USP24: variants seen among roughly 807,000 people sequenced by gnomAD.
The protein encoded by USP24 is ubiquitin specific peptidase 24.
Under a neutral mutation model 361.6 loss-of-function variants are expected in USP24, and 97 were observed. The ratio of observed to expected loss-of-function variants is 0.27; its 90% CI spans 0.23 to 0.32. The LOEUF is 0.32. Ranked by LOEUF, USP24 falls within the 10% of genes least tolerant of loss-of-function variation. The pLI is 1.00. For missense variants in USP24, 2,353 were observed against 3,165.6 expected (o/e 0.74, Z 6.16); for synonymous variants, 1,098 against 1,124.6 (o/e 0.98, Z 0.47).
At position 55,066,744 on chromosome 1, in the gene USP24, C is replaced by T. The variant is rs1159325569; in HGVS notation, c.*2301G>A. ...CGGGCAGAATCGGCCATCTTAAGATCGGCCTCACTAAGGGAGCTTCTTGAG... is the reference window on the plus strand; with the variant it reads ...CGGGCAGAATCGGCCATCTTAAGATTGGCCTCACTAAGGGAGCTTCTTGAG... On this transcript the variant is annotated 3_prime_UTR_variant, in exon 68 of 68. Transcript: ENST00000294383. 1.2e-4 allele frequency: 18 copies of T among 152,176 alleles called. No homozygotes were observed. Among genetic ancestry groups the T allele is most frequent in the African/African-American group, 2.9e-4 (12 of 41,432 alleles). 9.4% of individuals were successfully genotyped at this position (152,176 alleles called of 1,614,324 possible). A position where few individuals can be genotyped will look rare whatever the true frequency, so the allele number is the denominator to read the frequency against.
chr1:55,107,287 G>A lies in USP24; in HGVS notation c.4714C>T (p.Leu1572Phe). ...CAGAGTGAAAGAAGGGTCTTGATGAGGCGTAAGTGCCCTGCCAGTAAGATG... is the reference window on the plus strand; with the variant it reads ...CAGAGTGAAAGAAGGGTCTTGATGAAGCGTAAGTGCCCTGCCAGTAAGATG... ...DNILLAGHLR[L>F]IKTLLSLCGA... is the part of the protein sequence containing the mutation. Residue 1572 changes from leucine (L) to phenylalanine (F), a missense_variant, in exon 40 of 68, where the codon CTC becomes TTC. This residue lies in a region of USP24 where 949 missense variants were observed against 1,280.5 expected (regional missense o/e 0.74). Coordinates refer to ENST00000294383, the MANE Select transcript of USP24 (RefSeq NM_015306.3). 6.2e-7 allele frequency: 1 copy of A among 1,613,796 alleles called. No homozygotes were observed. The highest frequency in any genetic ancestry group is 1.1e-5 in the South Asian group (1 of 91,018).
At position 55,135,425 on chromosome 1, in the gene USP24, C is replaced by A. The variant is rs528898628; in HGVS notation, c.3202-1012G>T. Among the ~76,000 whole-genome samples the A allele has an allele frequency of 1.8e-4, 27 of 152,318 alleles. 1 individual carries two copies. In the South Asian group the frequency reaches 4.8e-3, roughly 27 times the overall value. ...GACACCACAAGTGGAAAATTCCATG[C>A]CTGACCTCATGTAACCGATCTCAGT... On this transcript the variant is annotated intron_variant, in intron 28 of 67. Transcript: ENST00000294383.
intron 61 of USP24, 32 bp from the exon 62 acceptor site, chr1:55,077,332 A>G: frequency 6.5e-7 from 1 of 1,528,178 alleles, no homozygotes; most frequent in Non-Finnish European, 8.9e-7. Flanking sequence ...TAAAAACTTC[A>G]GTGGAAAGCA....
chr1:55,098,447 T>C, intron 46 of USP24, 29 bp downstream of exon 46: 1 of 1,578,858 alleles, frequency 6.3e-7, no homozygotes, highest in East Asian at 2.2e-5. Flanking sequence ...GATGATCATT[T>C]TTCCTGTGTC....
At chr1:55,091,995 C>T (rs1286816691) in intron 54 of USP24, 28 bp downstream of exon 54, 1 of 1,537,236 alleles carries the variant, frequency 6.5e-7, no homozygotes, top group South Asian at 1.2e-5. Flanking sequence ...TCTGTCACAA[C>T]AGATTATCAA....
intron 36 of USP24, 90 bp from the exon 37 acceptor site, chr1:55,121,596 G>A: frequency 1.9e-6 from 2 of 1,046,884 alleles, no homozygotes; most frequent in Non-Finnish European, 1.4e-6. Context: ...CTCAACTTAA[G>A]CATAAGCTCT....
At chr1:55,172,103 G>T (rs1238818090) in intron 4 of USP24, among the ~76,000 whole-genome samples, 1 of 152,156 alleles carries the variant, frequency 6.6e-6, no homozygotes, top group Non-Finnish European at 1.5e-5. Flanking sequence ...CACTCCATAT[G>T]AAAGTATTTA....
At chr1:55,156,544 T>C (rs1647678803) in intron 12 of USP24, among the ~76,000 whole-genome samples, 2 of 151,800 alleles carry the variant, frequency 1.3e-5, no homozygotes, top group South Asian at 4.1e-4. Flanking sequence ...TTGACAGTCC[T>C]AGTAAGATGA....
Position 55,075,498 on chromosome 1 carries a change from T to G in USP24, c.7406A>C (p.Glu2469Ala). The change falls in exon 63 of 68, where the codon GAG becomes GCG. Residue 2469 changes from glutamate to alanine, a missense_variant. Coordinates refer to ENST00000294383, the MANE Select transcript of USP24 (RefSeq NM_015306.3). ...ILVIEDPIQV[E>A]RVKFVFETEN... ...TGTCTCAAACACAAATTTGACTCGC[T>G]CTACTTGTATAGGATCTTCAATAAC... The G allele has an allele frequency of 6.2e-7, 1 of 1,604,486 alleles. No homozygotes were observed. The highest frequency in any genetic ancestry group is 1.7e-5 in the Admixed American group (1 of 58,404).
chr1:55,208,998 G>A (rs1004969179), intron 1 of USP24, among the ~76,000 whole-genome samples: 2 of 151,686 alleles, frequency 1.3e-5, no homozygotes, highest in Non-Finnish European at 2.9e-5. Flanking sequence ...TGAGCTTAAC[G>A]AAAATTTTTA....
In USP24 at chr1:55,098,037, G is replaced by C. The variant is rs202160257; in HGVS notation, c.5501C>G (p.Ser1834Cys). 126 of 1,613,310 alleles carry C rather than the reference G, an allele frequency of 7.8e-5. No individual in the cohort carries two copies. Among genetic ancestry groups the C allele is most frequent in the Non-Finnish European group, 1.0e-4 (121 of 1,179,712 alleles). ...CAAAGAAATTTCCAAACTCTGACAA[G>C]AAGTCACTCCTAGATTGAGAGCCAT... The part of the protein sequence containing the change: ...AFMALNLGVT[S>C]CQSLEISLDQ... The change falls in exon 47 of 68, where the codon TCT becomes TGT. Residue 1834 changes from serine to cysteine, a missense_variant. Ser to Cys is a moderately radical substitution (Grantham distance 112). Around this residue, in one of 8 missense-constraint regions of USP24, gnomAD observed 105 missense variants for 200.3 expected, o/e 0.52. Transcript: ENST00000294383.
intron 58 of USP24, among the ~76,000 whole-genome samples, chr1:55,082,739 T>C (rs879794158): frequency 6.6e-5 from 10 of 152,210 alleles, no homozygotes; most frequent in Non-Finnish European, 1.3e-4. Context: ...GACCCCTGAT[T>C]ACACCACTGT....
At position 55,214,917 on chromosome 1, in the gene USP24, G is replaced by T; in HGVS notation, c.197C>A (p.Pro66His). 7.6e-7 allele frequency: 1 copy of T among 1,310,250 alleles called. No homozygotes were observed. Among genetic ancestry groups the T allele is most frequent in the Non-Finnish European group, 9.8e-7 (1 of 1,020,784 alleles). The allele number at this position is 1,310,250 out of a possible 1,614,324, so 81.2% of individuals were successfully genotyped here. A position where few individuals can be genotyped will look rare whatever the true frequency, so the allele number is the denominator to read the frequency against. ...GCCGTCGCCCCGCGGGCCCCCGCCGGGCCCGGGGCTGGGGCCACCGCCGCT... is the reference window on the plus strand; with the variant it reads ...GCCGTCGCCCCGCGGGCCCCCGCCGTGCCCGGGGCTGGGGCCACCGCCGCT... ...MDSGGGPSPG[P>H]GGGPRGDGGG... The change falls in exon 1 of 68, where the codon CCC becomes CAC. Residue 66 changes from proline (P) to histidine (H), a missense_variant. By Grantham distance (77) the Pro-to-His change is moderately conservative. Coordinates refer to ENST00000294383, the MANE Select transcript of USP24 (RefSeq NM_015306.3).
chr1:55,148,597 T>C (rs1647103988), intron 16 of USP24, 27 bp from the exon 17 acceptor site: 3 of 1,483,020 alleles, frequency 2.0e-6, no homozygotes, highest in Non-Finnish European at 2.7e-6. Flanking sequence ...GTTACATTAA[T>C]TAAATTTAGA....
chr1:55,139,035 T>A (rs1191594102), intron 24 of USP24, 25 bp from the exon 25 acceptor site: 1 of 1,556,088 alleles, frequency 6.4e-7, no homozygotes, highest in South Asian at 1.2e-5. Flanking sequence ...AAAAAAGTAT[T>A]AAAATGTATT....
chr1:55,214,563 T>C (rs1250309502), intron 1 of USP24, among the ~76,000 whole-genome samples: 1 of 151,044 alleles, frequency 6.6e-6, no homozygotes, highest in Admixed American at 6.6e-5. Flanking sequence ...CATCCCTAAT[T>C]CCCTTTCACA....
Position 55,066,587 on chromosome 1 carries a change from G to GGTAA in USP24, c.*2454_*2457dup, listed in dbSNP as rs1644828780. The GGTAA allele has an allele frequency of 6.6e-6, 1 of 152,140 alleles. No individual in the cohort carries two copies. Among genetic ancestry groups the GGTAA allele is most frequent in the African/African-American group, 2.4e-5 (1 of 41,416 alleles). The allele number at this position is 152,140 out of a possible 1,614,324, so 9.4% of individuals were successfully genotyped here. A position where few individuals can be genotyped will look rare whatever the true frequency, so the allele number is the denominator to read the frequency against. On this transcript the variant is annotated 3_prime_UTR_variant, in exon 68 of 68. Transcript: ENST00000294383. ...TAGCAGGGAAGGTGGGGCAGGACAG[G>GGTAA]GTAAGTCTGATGATACGGCACTCTA...
intron 62 of USP24, among the ~76,000 whole-genome samples, chr1:55,076,718 G>A (rs1645037450): frequency 6.6e-6 from 1 of 152,072 alleles, no homozygotes; most frequent in Non-Finnish European, 1.5e-5. Context: ...AACTGCCAGA[G>A]GATTTTTTTT....
intron 38 of USP24, among the ~76,000 whole-genome samples, chr1:55,119,548 T>C (rs1480365230): frequency 6.6e-6 from 1 of 152,136 alleles, no homozygotes; most frequent in Admixed American, 6.5e-5. Flanking sequence ...GTATACCTCA[T>C]GGTAAATTTT....
Sources: allele counts gnomAD v4.1 joint callset (sites outside exome capture counted in the v4.1 genomes callset), GRCh38; gene constraint gnomAD v4.1.1; regional missense constraint gnomAD v4.1.1; transcripts MANE v1.5; gene names NCBI Gene and HGNC (gene_info 2026-07-23, HGNC 2026-07-21).